The following PRKN variants were observed in gnomAD, a reference collection of about 807,000 sequenced individuals.
PRKN encodes the protein E3 ubiquitin-protein ligase parkin.
PRKN carries 56 observed loss-of-function variants against 59.5 expected under a neutral mutation model. The ratio of observed to expected loss-of-function variants is 0.94; its 90% CI spans 0.76 to 1.18. PRKN has a LOEUF of 1.18. PRKN is among the 50% of genes most tolerant of loss of function. The pLI, the probability that PRKN is intolerant of heterozygous loss-of-function variation, is 0.00. For missense variants in PRKN, 657 were observed against 596.4 expected (o/e 1.10, Z -1.06); for synonymous variants, 250 against 222.1 (o/e 1.13, Z -1.12).
At chr6:162,714,324 G>A (rs781450505) in intron 1 of PRKN, among the ~76,000 whole-genome samples, 4 of 152,176 alleles carry the variant, frequency 2.6e-5, no homozygotes, top group Admixed American at 6.5e-5. Context: ...TTTGCTTTGC[G>A]TCACGGGGCC....
chr6:161,874,120 TATATAATATATATTATATGTAAA>T (rs1794490887), intron 6 of PRKN, among the ~76,000 whole-genome samples: 1 of 56,120 alleles, frequency 1.8e-5, no homozygotes, highest in Non-Finnish European at 2.7e-5. Context: ...TAAAATATAA[TATATAATATATATTATATGTAAA>T]ATATAATATA....
Position 162,682,012 on chromosome 6 carries a change from C to T in PRKN, c.7+45650G>A, listed in dbSNP as rs1471712450. On this transcript the variant is annotated intron_variant, in intron 1 of 11. Transcript: ENST00000366898. ...ACAAAATGAATATTTTTATATGTGACAGTATTTTAGAAAATAATGTGACTA... is the reference window on the plus strand; with the variant it reads ...ACAAAATGAATATTTTTATATGTGATAGTATTTTAGAAAATAATGTGACTA... Among the ~76,000 whole-genome samples, 4 of 152,038 alleles carry T rather than the reference C, an allele frequency of 2.6e-5. No individual in the cohort carries two copies. In the South Asian group the frequency reaches 6.2e-4, roughly 24 times the overall value.
chr6:162,016,111 A>ATCC (rs1187234338), intron 5 of PRKN, among the ~76,000 whole-genome samples: 1 of 150,656 alleles, frequency 6.6e-6, no homozygotes, highest in Non-Finnish European at 1.5e-5. Context: ...ATTTTCTGCC[A>ATCC]AAGAAATAAA....
rs562685732 is a variant in PRKN at position 162,162,427 on chromosome 6, C to T, written c.534+38704G>A. Among the ~76,000 whole-genome samples, 8 of 152,244 alleles carry T rather than the reference C, an allele frequency of 5.3e-5. No individual in the cohort carries two copies. In the South Asian group the frequency reaches 1.2e-3, roughly 24 times the overall value. ...AGGAGTCCTGGAACCAGCCACCCGACAGACACTGAGGCACGACTGTTTGTA... is the reference window on the plus strand; with the variant it reads ...AGGAGTCCTGGAACCAGCCACCCGATAGACACTGAGGCACGACTGTTTGTA... On this transcript the variant is annotated intron_variant, in intron 4 of 11. Transcript: ENST00000366898.
intron 2 of PRKN, among the ~76,000 whole-genome samples, chr6:162,366,755 A>G (rs770068308): frequency 4.6e-5 from 7 of 151,988 alleles, no homozygotes; most frequent in Non-Finnish European, 7.4e-5. Flanking sequence ...AAAATACAAA[A>G]TTAGCTGGGT....
intron 6 of PRKN, among the ~76,000 whole-genome samples, chr6:161,850,532 C>T (rs1271105454): frequency 1.4e-5 from 2 of 143,528 alleles, no homozygotes. Context: ...GCTGAGATTG[C>T]ACCACTGCAC....
rs761534755 is a variant in PRKN at position 162,262,720 on chromosome 6, G to T, written c.217C>A (p.Pro73Thr). Residue 73 changes from proline (P) to threonine (T), a missense_variant, in exon 3 of 12, where the codon CCG becomes ACG. Pro to Thr is a conservative substitution (Grantham distance 38). Coordinates refer to ENST00000366898, the MANE Select transcript of PRKN (RefSeq NM_004562.3). ...TTCATTTCTTGACCTTTTCTCCACG[G>T]TCTCTGCACAATGTGAACAATGCTC... The part of the protein sequence containing the change: ...QQSIVHIVQR[P>T]WRKGQEMNAT... The T allele has an allele frequency of 1.2e-6, 2 of 1,610,900 alleles. No homozygotes were observed. The highest frequency in any genetic ancestry group is 2.2e-5 in the South Asian group (2 of 91,020).
chr6:162,687,086 G>C (rs748299360), intron 1 of PRKN, among the ~76,000 whole-genome samples: 5 of 151,712 alleles, frequency 3.3e-5, no homozygotes, highest in Non-Finnish European at 2.9e-5. Flanking sequence ...TTGGTATTTT[G>C]ATAGGAATTG....
rs1787477642 is a variant in PRKN at position 161,410,422 on chromosome 6, C to T, written c.1084-23545G>A. Among the ~76,000 whole-genome samples the T allele has an allele frequency of 6.6e-6, 1 of 152,124 alleles. No homozygotes were observed. The highest frequency in any genetic ancestry group is 1.9e-4 in the East Asian group (1 of 5,186). On this transcript the variant is annotated intron_variant, in intron 9 of 11. Transcript: ENST00000366898. This position sits in a 1 kb window ranked among gnomAD's most constrained non-coding sequence, Gnocchi z 5.3. ...ACAATCCCTGAGCTATGAACAGTGGCACCAGCTTTTAAGTAAGGATGAGGG... is the reference window on the plus strand; with the variant it reads ...ACAATCCCTGAGCTATGAACAGTGGTACCAGCTTTTAAGTAAGGATGAGGG...
chr6:161,640,212 C>G (rs1783688192), intron 7 of PRKN, among the ~76,000 whole-genome samples: 1 of 152,204 alleles, frequency 6.6e-6, no homozygotes, highest in African/African-American at 2.4e-5. Flanking sequence ...TTCTCTTCCA[C>G]CCCCAGTTTT....
At position 161,883,017 on chromosome 6, in the gene PRKN, A is replaced by C. The variant is rs188487448; in HGVS notation, c.734+90285T>G. ...GAGACTCTGACTCAAAGAAAACAAA[A>C]AACAACAACAACAACAAAAAAAAAC... On this transcript the variant is annotated intron_variant, in intron 6 of 11. Coordinates refer to ENST00000366898, the MANE Select transcript of PRKN (RefSeq NM_004562.3). Among the ~76,000 whole-genome samples, 916 of 120,994 alleles carry C rather than the reference A, an allele frequency of 7.6e-3. 11 individuals are homozygous for C. Among genetic ancestry groups the C allele is most frequent in the African/African-American group, 0.032 (818 of 25,288 alleles). The allele number at this position is 120,994 out of a possible 152,430, so 79.4% of individuals were successfully genotyped here. A position where few individuals can be genotyped will look rare whatever the true frequency, so the allele number is the denominator to read the frequency against.
At chr6:162,623,734 G>A (rs902934943) in intron 1 of PRKN, among the ~76,000 whole-genome samples, 1 of 151,874 alleles carries the variant, frequency 6.6e-6, no homozygotes, top group African/African-American at 2.4e-5. Flanking sequence ...ATCTAGTAAG[G>A]CCCTCTCTAT....
At chr6:161,747,639 G>A (rs1201935558) in intron 7 of PRKN, among the ~76,000 whole-genome samples, 5 of 152,174 alleles carry the variant, frequency 3.3e-5, no homozygotes, top group South Asian at 2.1e-4. Flanking sequence ...GGTCCTTACC[G>A]GATTACTGCA....
chr6:161,719,321 G>T (rs1787124428), intron 7 of PRKN, among the ~76,000 whole-genome samples: 1 of 151,990 alleles, frequency 6.6e-6, no homozygotes, highest in Non-Finnish European at 1.5e-5. Context: ...AGAAGAGAGG[G>T]CAAGCAAAGT....
chr6:162,332,942 G>T (rs1419388625), intron 2 of PRKN, among the ~76,000 whole-genome samples: 1 of 151,982 alleles, frequency 6.6e-6, no homozygotes, highest in African/African-American at 2.4e-5. Context: ...TCTAAAATTT[G>T]CTCTCCAAAT....
At chr6:161,899,982 C>T (rs907095554) in intron 6 of PRKN, among the ~76,000 whole-genome samples, 4 of 151,874 alleles carry the variant, frequency 2.6e-5, no homozygotes, top group East Asian at 1.9e-4. Context: ...ATTAGCTGGG[C>T]GTCTGTAATC....
chr6:161,969,449 C>G (rs1054307487), intron 6 of PRKN, among the ~76,000 whole-genome samples: 1 of 151,940 alleles, frequency 6.6e-6, no homozygotes, highest in Non-Finnish European at 1.5e-5. Flanking sequence ...AGCCTGGCCT[C>G]TCCTGATCTG....
At position 161,443,436 on chromosome 6, in the gene PRKN, G is replaced by A. The variant is rs73785917; in HGVS notation, c.1084-56559C>T. On this transcript the variant is annotated intron_variant, in intron 9 of 11. Transcript: ENST00000366898. ...CTGGCGTGCATTGCCTAAATCAAGCGCAGGAGTTTGATGGTACCACGAAGC... is the reference window on the plus strand; with the variant it reads ...CTGGCGTGCATTGCCTAAATCAAGCACAGGAGTTTGATGGTACCACGAAGC... Among the ~76,000 whole-genome samples the A allele has an allele frequency of 4.8e-3, 728 of 152,228 alleles. 10 individuals are homozygous for A. Among genetic ancestry groups the A allele is most frequent in the African/African-American group, 0.017 (695 of 41,534 alleles).
chr6:162,690,005 T>C (rs1349645333), intron 1 of PRKN, among the ~76,000 whole-genome samples: 1 of 152,138 alleles, frequency 6.6e-6, no homozygotes, highest in East Asian at 1.9e-4. Context: ...GGATGTATTA[T>C]GTCCTCTAAA....
Sources: gnomAD v4.1 joint callset for allele counts (sites outside exome capture counted in the v4.1 genomes callset) on GRCh38, gnomAD v4.1.1 for gene constraint, Gnocchi (gnomAD v3.1) non-coding constraint, MANE v1.5 for transcripts, NCBI Gene and HGNC (gene_info 2026-07-23, HGNC 2026-07-21) for gene names.